Variants in NFKB1 observed in about 807,000 individuals in gnomAD.
The protein encoded by NFKB1 is nuclear factor NF-kappa-B p105 subunit.
In NFKB1, 9 loss-of-function variants were observed where a neutral mutation model predicts 105.1. The ratio of observed to expected loss-of-function variants is 0.09; its 90% confidence interval spans 0.05 to 0.15. The LOEUF (loss-of-function observed/expected upper bound fraction) is 0.15. NFKB1 is among the 10% of genes least tolerant of loss of function. The pLI is 1.00. For missense variants in NFKB1, 830 were observed against 1,203.7 expected, an observed-to-expected ratio of 0.69 and a Z score of 4.59; for synonymous variants, 440 against 442.2, an observed-to-expected ratio of 1.00 and a Z score of 0.06.
At chr4:102,598,886 T>A (rs1726879989) in intron 15 of NFKB1, among the ~76,000 whole-genome samples, 1 of 152,098 alleles carries the variant, frequency 6.6e-6, no homozygotes, top group African/African-American at 2.4e-5. Flanking sequence ...CCAAGCACAC[T>A]CACACAAGCC....
chr4:102,508,816 T>G (rs541213149), intron 1 of NFKB1, among the ~76,000 whole-genome samples: 1 of 152,262 alleles, frequency 6.6e-6, no homozygotes, highest in African/African-American at 2.4e-5. Context: ...AAACTAAGAC[T>G]TAAACTTTGT....
rs749750576 is a variant in NFKB1 at position 102,594,885 on chromosome 4, G to C, written c.1211-7G>C. The C allele has an allele frequency of 6.2e-7, 1 of 1,600,680 alleles. No homozygotes were observed. Among genetic ancestry groups the C allele is most frequent in the Non-Finnish European group, 8.6e-7 (1 of 1,169,276 alleles). On this transcript the variant is annotated splice_region_variant and splice_polypyrimidine_tract_variant and intron_variant, in intron 12 of 23. Coordinates refer to ENST00000226574, the MANE Select transcript of NFKB1 (RefSeq NM_003998.4). The stretch of plus-strand genomic sequence containing the variant: ...TGATGTTTCATTTGTTTTACTTGCC[G>C]TTTCAGGGTATAGCTTCCCACACTA...
At chr4:102,502,091 CTT>C (rs1000133096) in intron 1 of NFKB1, 1 of 152,360 alleles carries the variant, frequency 6.6e-6, no homozygotes, top group Non-Finnish European at 1.5e-5. Context: ...CTCTTACAAA[CTT>C]TTAAAATCCC....
chr4:102,532,882 G>T (rs530873701), intron 3 of NFKB1, among the ~76,000 whole-genome samples: 10 of 152,122 alleles, frequency 6.6e-5, no homozygotes, highest in African/African-American at 2.4e-4. Context: ...ATGGATTATT[G>T]TACTATTGAC....
intron 1 of NFKB1, among the ~76,000 whole-genome samples, chr4:102,511,211 T>G (rs1055979144): frequency 3.3e-5 from 5 of 152,242 alleles, no homozygotes; most frequent in African/African-American, 4.8e-5. Context: ...AATGATTAAA[T>G]CAAGCTGATT....
intron 5 of NFKB1, among the ~76,000 whole-genome samples, chr4:102,548,569 A>G (rs1722317609): frequency 6.6e-6 from 1 of 152,194 alleles, no homozygotes; most frequent in African/African-American, 2.4e-5. Context: ...TGCCATAACA[A>G]GTTACCACAA....
intron 1 of NFKB1, among the ~76,000 whole-genome samples, chr4:102,512,190 A>C (rs184724182): frequency 3.9e-5 from 6 of 152,222 alleles, no homozygotes; most frequent in Non-Finnish European, 8.8e-5. Flanking sequence ...AAAAGTAAAT[A>C]TTTTGCTTAA....
chr4:102,589,192 A>C (rs569563126), intron 11 of NFKB1, among the ~76,000 whole-genome samples: 3 of 152,220 alleles, frequency 2.0e-5, no homozygotes, highest in African/African-American at 7.2e-5. Context: ...TTTAAAAGGT[A>C]AAATGAATAC....
chr4:102,527,711 A>G (rs1433538230), intron 2 of NFKB1, among the ~76,000 whole-genome samples: 1 of 152,120 alleles, frequency 6.6e-6, no homozygotes, highest in Non-Finnish European at 1.5e-5. Flanking sequence ...GGCTAATTGT[A>G]TTATCAAAAC....
intron 22 of NFKB1, 68 bp downstream of exon 22, chr4:102,612,674 G>C: frequency 7.1e-7 from 1 of 1,399,652 alleles, no homozygotes. Flanking sequence ...TCTGGCCAGG[G>C]CATAATCTCC....
chr4:102,610,524 G>C, intron 19 of NFKB1, 51 bp from the exon 20 acceptor site: 1 of 1,586,876 alleles, frequency 6.3e-7, no homozygotes, highest in Non-Finnish European at 8.6e-7. Flanking sequence ...CAGGCAGTTG[G>C]AAGTTGACAA....
At chr4:102,518,452 G>A (rs922972671) in intron 1 of NFKB1, among the ~76,000 whole-genome samples, 1 of 152,014 alleles carries the variant, frequency 6.6e-6, no homozygotes, top group Admixed American at 6.6e-5. Context: ...AACAAAGTGT[G>A]ATCACTGAAT....
In NFKB1 at chr4:102,600,991, G is replaced by A; in HGVS notation, c.1734G>A (p.Met578Ile). ...TGATTTCTGATGACATTATCAACAT[G>A]AGAAATGATCTGTACCAGGTAAGCA... The part of the protein sequence containing the change: ...SGLISDDIIN[M>I]RNDLYQTPLH... Residue 578 changes from methionine to isoleucine, a missense_variant, in exon 16 of 24, where the codon ATG (methionine) becomes ATA (isoleucine). Met to Ile is a conservative substitution (Grantham distance 10). This residue lies in a region of NFKB1 where 418 missense variants were observed against 575.3 expected (regional missense o/e 0.73). Transcript: ENST00000226574. 1.3e-6 allele frequency: 2 copies of A among 1,598,178 alleles called. No individual in the cohort carries two copies. Among genetic ancestry groups the A allele is most frequent in the Non-Finnish European group, 1.7e-6 (2 of 1,165,696 alleles).
chr4:102,599,201 A>G (rs2149211053), intron 15 of NFKB1, among the ~76,000 whole-genome samples: 1 of 152,312 alleles, frequency 6.6e-6, no homozygotes, highest in South Asian at 2.1e-4. Context: ...GCAGTTTTAG[A>G]AGTATGACCT....
rs751532755 is a variant in NFKB1 at position 102,606,487 on chromosome 4, A to C, written c.1753-9A>C. The C allele has an allele frequency of 2.5e-6, 4 of 1,613,592 alleles. No individual in the cohort carries two copies. Among genetic ancestry groups the C allele is most frequent in the East Asian group, 2.2e-5 (1 of 44,882 alleles). ...TGACCAGTGAATCTCCTGCCCTTTC[A>C]CTTTCCAGACGCCCTTGCACTTGGC... On this transcript the variant is annotated splice_polypyrimidine_tract_variant and intron_variant, in intron 16 of 23. Coordinates refer to ENST00000226574, the MANE Select transcript of NFKB1 (RefSeq NM_003998.4).
intron 10 of NFKB1, among the ~76,000 whole-genome samples, chr4:102,583,802 ATCTGG>A (rs61357101): frequency 0.41 from 62,932 of 151,996 alleles, 13,213 homozygotes; most frequent in Admixed American, 0.48. Context: ...ACAAGTAATT[ATCTGG>A]ATTGGAAACA....
chr4:102,586,498 C>T (rs1725723071), intron 11 of NFKB1, among the ~76,000 whole-genome samples: 1 of 152,166 alleles, frequency 6.6e-6, no homozygotes, highest in Non-Finnish European at 1.5e-5. Flanking sequence ...GCATTAGAAT[C>T]ATCTCAAAAC....
At chr4:102,595,432 AC>A (rs1444976968) in intron 13 of NFKB1, among the ~76,000 whole-genome samples, 2 of 152,340 alleles carry the variant, frequency 1.3e-5, no homozygotes, top group East Asian at 3.9e-4. Context: ...ATTCTAGTGT[AC>A]CCATGGAAGA....
chr4:102,611,446 C>A (rs1157609717), intron 20 of NFKB1, among the ~76,000 whole-genome samples: 1 of 152,232 alleles, frequency 6.6e-6, no homozygotes, highest in African/African-American at 2.4e-5. Flanking sequence ...CCACGCTCTC[C>A]TTACCCAGGT....
Sources: allele counts gnomAD v4.1 joint callset (sites outside exome capture counted in the v4.1 genomes callset), GRCh38; gene constraint gnomAD v4.1.1; regional missense constraint gnomAD v4.1.1; transcripts MANE v1.5; gene names NCBI Gene and HGNC (gene_info 2026-07-23, HGNC 2026-07-21).